Variants in MAN2B1 observed in about 807,000 individuals in gnomAD.
MAN2B1 encodes the protein lysosomal alpha-mannosidase.
Under a neutral mutation model 127.5 loss-of-function variants are expected in MAN2B1, and 99 were observed. That is an observed-to-expected ratio of 0.78 (90% CI 0.66 to 0.92). The LOEUF (loss-of-function observed/expected upper bound fraction) is 0.92. MAN2B1 is among the 40% of genes least tolerant of loss of function. The probability of loss-of-function intolerance (pLI) is 0.00; values close to 1 mark genes in which losing one functional copy is unlikely to be tolerated. For missense variants in MAN2B1, 1,304 were observed against 1,384.8 expected (o/e 0.94, Z 0.93); for synonymous variants, 573 against 568.8 (o/e 1.01, Z -0.11).
intron 10 of MAN2B1, chr19:12,657,785 C>G (rs897388229): frequency 1.6e-6 from 1 of 609,254 alleles, no homozygotes; most frequent in Non-Finnish European, 2.9e-6. Flanking sequence ...GAAACCCCGT[C>G]TCTACTAAAA....
intron 4 of MAN2B1, among the ~76,000 whole-genome samples, chr19:12,664,245 G>A (rs2145284748): frequency 6.6e-6 from 1 of 152,248 alleles, no homozygotes; most frequent in East Asian, 1.9e-4. Flanking sequence ...ACAAAAACAC[G>A]TAGGGCTGAA....
chr19:12,647,356 C>T lies in MAN2B1; in HGVS notation c.2821-21G>A, dbSNP rs1385813055. On this transcript the variant is annotated intron_variant, in intron 22 of 23. Transcript: ENST00000456935. The surrounding 1 kb of genome is among the most constrained non-coding windows in gnomAD (Gnocchi z 4.9). ...AGGTCCTGCGGGGAAGGGGATGGGCCCAGATGAGTTGGGGCAAAGCCAGGT... is the reference window on the plus strand; with the variant it reads ...AGGTCCTGCGGGGAAGGGGATGGGCTCAGATGAGTTGGGGCAAAGCCAGGT... The T allele has an allele frequency of 1.9e-6, 3 of 1,612,422 alleles. No homozygotes were observed. Among genetic ancestry groups the T allele is most frequent in the East Asian group, 4.5e-5 (2 of 44,870 alleles).
In MAN2B1 at chr19:12,666,738, G is replaced by C. The variant is rs777169880; in HGVS notation, c.-37C>G. 1.3e-6 allele frequency: 2 copies of C among 1,541,062 alleles called. No individual in the cohort carries two copies. Among genetic ancestry groups the C allele is most frequent in the South Asian group, 2.4e-5 (2 of 83,776 alleles). ...TTCCTCCTGGGGTTCCCCGGCCCTG[G>C]AAAGGCCGGGCAAACGCCCCGCCCC... On this transcript the variant is annotated 5_prime_UTR_variant, in exon 1 of 24. Transcript: ENST00000456935.
Position 12,656,566 on chromosome 19 carries a change from C to T in MAN2B1, c.1644+5G>A, listed in dbSNP as rs199542452. ...AGCGGGGGAATATTCGTTGTTTGGG[C>T]TCACATCGCTGGGCACTGTCCTGCC... On this transcript the variant is annotated splice_donor_5th_base_variant and intron_variant, in intron 13 of 23. Coordinates refer to ENST00000456935, the MANE Select transcript of MAN2B1 (RefSeq NM_000528.4). 3.7e-6 allele frequency: 6 copies of T among 1,607,690 alleles called. No individual in the cohort carries two copies. The highest frequency in any genetic ancestry group is 5.1e-6 in the Non-Finnish European group (6 of 1,174,260).
chr19:12,652,901 C>G lies in MAN2B1; in HGVS notation c.1831-441G>C, dbSNP rs904873980. 2.7e-5 allele frequency among the ~76,000 whole-genome samples: 4 copies of G among 149,732 alleles called. No individual in the cohort carries two copies. The South Asian group carries it at 8.4e-4, about 32-fold the overall frequency. ...CCAGGCTGGAGTGCAGGGGCGCAAT[C>G]TCTGCTCACTACAGCCTCTGCCCCT... On this transcript the variant is annotated intron_variant, in intron 14 of 23. Coordinates refer to ENST00000456935, the MANE Select transcript of MAN2B1 (RefSeq NM_000528.4).
Position 12,646,637 on chromosome 19 carries a change from T to C in MAN2B1, c.3019A>G (p.Lys1007Glu). Residue 1007 changes from lysine (K) to glutamate (E), a missense_variant, in exon 24 of 24, where the codon AAG (lysine) becomes GAG (glutamate). Lys to Glu is a moderately conservative substitution (Grantham distance 56). Transcript: ENST00000456935. The stretch of plus-strand genomic sequence containing the variant: ...CAGCAGACCTAACCATCCACCTCCT[T>C]CCATTGAACTGAGGCCAGGAAAGTG... Reference protein sequence around the residue: ...IRTFLASVQWKEVDG With the variant: ...IRTFLASVQWEEVDG 6.2e-7 allele frequency: 1 copy of C among 1,613,236 alleles called. No homozygotes were observed.
chr19:12,658,442 C>CAGGTGAGG lies in MAN2B1; in HGVS notation c.1094_1095insCCTCACCT (p.Lys365AsnfsTer11). The CAGGTGAGG allele has an allele frequency of 6.2e-7, 1 of 1,614,214 alleles. No individual in the cohort carries two copies. The highest frequency in any genetic ancestry group is 2.2e-5 in the East Asian group (1 of 44,882). On this transcript the variant is annotated frameshift_variant, in exon 8 of 24. Coordinates refer to ENST00000456935, the MANE Select transcript of MAN2B1 (RefSeq NM_000528.4). LOFTEE classifies it high-confidence loss of function. ...TCCCCAAATACCAGGTGAGGTTGGC[C>CAGGTGAGG]TTGTTCAGCTCCCAGAGGTAACAAG...
Position 12,664,839 on chromosome 19 carries a change from T to C in MAN2B1, c.583A>G (p.Ile195Val). ...NDGRPRVAWH[I>V]DPFGHSREQA... ...TCCCGAGAGTGGCCGAAGGGGTCAA[T>C]GTGCCAGGCCACACGGGGTCGCCCA... Residue 195 changes from isoleucine to valine, a missense_variant, in exon 4 of 24, where the codon ATT becomes GTT. Coordinates refer to ENST00000456935, the MANE Select transcript of MAN2B1 (RefSeq NM_000528.4). The C allele has an allele frequency of 1.2e-6, 2 of 1,613,964 alleles. No homozygotes were observed. The highest frequency in any genetic ancestry group is 1.7e-6 in the Non-Finnish European group (2 of 1,179,958).
At position 12,649,229 on chromosome 19, in the gene MAN2B1, G is replaced by A. The variant is rs1332371429; in HGVS notation, c.2356-13C>T. 6.2e-7 allele frequency: 1 copy of A among 1,613,386 alleles called. No homozygotes were observed. Among genetic ancestry groups the A allele is most frequent in the South Asian group, 1.1e-5 (1 of 91,036 alleles). ...GCATGTTTCCATCCTGGGAGTTGAAGGGTGAAAGTAGAGGGCAGTCAACCC... is the reference window on the plus strand; with the variant it reads ...GCATGTTTCCATCCTGGGAGTTGAAAGGTGAAAGTAGAGGGCAGTCAACCC... On this transcript the variant is annotated splice_polypyrimidine_tract_variant and intron_variant, in intron 19 of 23. Transcript: ENST00000456935.
chr19:12,656,501 A>T (rs1215750663), intron 13 of MAN2B1, 70 bp downstream of exon 13: 1 of 1,068,220 alleles, frequency 9.4e-7, no homozygotes, highest in African/African-American at 1.6e-5. Flanking sequence ...GGCGATATCC[A>T]TGGGGGCGAT....
At chr19:12,663,967 C>T in intron 4 of MAN2B1, 132 bp from the exon 5 acceptor site, 1 of 1,221,046 alleles carries the variant, frequency 8.2e-7, no homozygotes, top group South Asian at 1.3e-5. Flanking sequence ...GTGGCTCTTG[C>T]CTATGATCCC....
chr19:12,661,125 G>A lies in MAN2B1; in HGVS notation c.1026+135C>T, dbSNP rs2024091948. 5 of 738,728 alleles carry A rather than the reference G, an allele frequency of 6.8e-6. No homozygotes were observed. In the South Asian group the frequency reaches 6.9e-5, roughly 10 times the overall value. The allele number at this position is 738,728 out of a possible 1,614,324, so 45.8% of individuals were successfully genotyped here. On this transcript the variant is annotated intron_variant, in intron 7 of 23. Transcript: ENST00000456935. Reference sequence around the variant, plus strand: ...TCTGTTGTTTTGAGCTGCTAAGTGTGTGGTCATTTGTTATAGAATGACCAC... The same window carrying A: ...TCTGTTGTTTTGAGCTGCTAAGTGTATGGTCATTTGTTATAGAATGACCAC...
At chr19:12,648,815 T>G (rs906755846) in intron 20 of MAN2B1, among the ~76,000 whole-genome samples, 1 of 152,088 alleles carries the variant, frequency 6.6e-6, no homozygotes, top group Non-Finnish European at 1.5e-5. Context: ...GCCAACATGG[T>G]GAAACCCCAT....
In MAN2B1 at chr19:12,652,368, G is replaced by A. The variant is rs1481346197; in HGVS notation, c.1923C>T (p.Phe641=). 7 of 1,613,892 alleles carry A rather than the reference G, an allele frequency of 4.3e-6. No individual in the cohort carries two copies. The highest frequency in any genetic ancestry group is 5.9e-6 in the Non-Finnish European group (7 of 1,179,832). The change falls in exon 15 of 24, where the codon TTC becomes TTT. Residue 641 remains phenylalanine (F), a synonymous_variant. Coordinates refer to ENST00000456935, the MANE Select transcript of MAN2B1 (RefSeq NM_000528.4). ...QQLLLPVRQT[F]FWYNASIGDN... ...GCCTGGTGATCTTCCCTTACCAGAA[G>A]AAGGTCTGGCGAACAGGCAGCAGGA...
chr19:12,657,403 T>C (rs2023992672), intron 11 of MAN2B1, 43 bp downstream of exon 11: 1 of 1,510,082 alleles, frequency 6.6e-7, no homozygotes, highest in African/African-American at 1.4e-5. Flanking sequence ...CCCCGCCCCT[T>C]CCTGTCTCCA....
Position 12,648,392 on chromosome 19 carries a change from C to T in MAN2B1, c.2447G>A (p.Arg816Lys). ...DGSLELMVHR[R>K]LLKDDGRGVS... Reference sequence around the variant, plus strand: ...TCCGCGTCCATCGTCCTTCAGCAGCCTTCGGTGCACCTGGGGGGAGAGTGG... The same window carrying T: ...TCCGCGTCCATCGTCCTTCAGCAGCTTTCGGTGCACCTGGGGGGAGAGTGG... Residue 816 changes from arginine (R) to lysine (K), a missense_variant, in exon 21 of 24, where the codon AGG becomes AAG. Arg to Lys is a conservative substitution (Grantham distance 26, BLOSUM62 2). Coordinates refer to ENST00000456935, the MANE Select transcript of MAN2B1 (RefSeq NM_000528.4). The T allele has an allele frequency of 6.2e-7, 1 of 1,612,076 alleles. No homozygotes were observed. The highest frequency in any genetic ancestry group is 1.7e-4 in the Middle Eastern group (1 of 6,052).
Position 12,650,239 on chromosome 19 carries a change from G to A in MAN2B1, c.2047-17C>T, listed in dbSNP as rs940088931. The stretch of plus-strand genomic sequence containing the variant: ...CAAGGGTGTCTGCGGGCACACGGGT[G>A]AGGTGGATGTCAGTCTGTACCTGAG... On this transcript the variant is annotated splice_polypyrimidine_tract_variant and intron_variant, in intron 16 of 23. Transcript: ENST00000456935. 13 of 1,526,892 alleles carry A rather than the reference G, an allele frequency of 8.5e-6. No individual in the cohort carries two copies. Among genetic ancestry groups the A allele is most frequent in the African/African-American group, 1.4e-5 (1 of 73,292 alleles). 94.6% of individuals were successfully genotyped at this position (1,526,892 alleles called of 1,614,324 possible).
In MAN2B1 at chr19:12,655,691, C is replaced by A. The variant is rs376163192; in HGVS notation, c.1830+3G>T. ...AGGAAAGGGGATTGAAATGGGGTCTCACCTCATTTTCGATGGTTAAAGCAG... is the reference window on the plus strand; with the variant it reads ...AGGAAAGGGGATTGAAATGGGGTCTAACCTCATTTTCGATGGTTAAAGCAG... On this transcript the variant is annotated splice_donor_region_variant and intron_variant, in intron 14 of 23. Transcript: ENST00000456935. The A allele has an allele frequency of 1.7e-5, 27 of 1,608,618 alleles. No individual in the cohort carries two copies. The Middle Eastern group carries it at 9.9e-4, about 59-fold the overall frequency.
rs147845718 is a variant in MAN2B1, at chr19:12,650,952, G to A, written c.2047-730C>T. Reference sequence around the variant, plus strand: ...CTCGCAAAGTGCTGGGATTACAGGCGTGAGCCACTGCACCCGGCCTCTTTT... The same window carrying A: ...CTCGCAAAGTGCTGGGATTACAGGCATGAGCCACTGCACCCGGCCTCTTTT... On this transcript the variant is annotated intron_variant, in intron 16 of 23. Coordinates refer to ENST00000456935, the MANE Select transcript of MAN2B1 (RefSeq NM_000528.4). Among the ~76,000 whole-genome samples, 362 of 150,462 alleles carry A rather than the reference G, an allele frequency of 2.4e-3. 5 individuals carry two copies. Among genetic ancestry groups the A allele is most frequent in the African/African-American group, 8.0e-3 (328 of 40,874 alleles).
Sources: gnomAD v4.1 joint callset for allele counts (sites outside exome capture counted in the v4.1 genomes callset) on GRCh38, gnomAD v4.1.1 for gene constraint, Gnocchi (gnomAD v3.1) non-coding constraint, MANE v1.5 for transcripts, NCBI Gene and HGNC (gene_info 2026-07-23, HGNC 2026-07-21) for gene names.